Variants in SH3RF1 observed in about 807,000 individuals in gnomAD.
SH3RF1 encodes E3 ubiquitin-protein ligase SH3RF1.
A neutral mutation model predicts 74.0 loss-of-function variants in SH3RF1; 32 were observed. The ratio of observed to expected loss-of-function variants is 0.43; its 90% CI spans 0.33 to 0.58. The LOEUF is 0.58. Ranked by LOEUF, SH3RF1 falls within the 20% of genes least tolerant of loss-of-function variation. The pLI is 0.05. For missense variants in SH3RF1, 954 were observed against 1,130.9 expected, an observed-to-expected ratio of 0.84 and a Z score of 2.24; for synonymous variants, 396 against 439.6, an observed-to-expected ratio of 0.90 and a Z score of 1.24.
chr4:169,167,728 AG>A (rs1261791295), intron 2 of SH3RF1, among the ~76,000 whole-genome samples: 1 of 152,196 alleles, frequency 6.6e-6, no homozygotes, highest in African/African-American at 2.4e-5. Flanking sequence ...TGAGTGAAAG[AG>A]GGTGTGAGGG....
chr4:169,199,560 G>C (rs1734875093), intron 2 of SH3RF1, among the ~76,000 whole-genome samples: 1 of 151,974 alleles, frequency 6.6e-6, no homozygotes, highest in African/African-American at 2.4e-5. Flanking sequence ...TTAGATCTCA[G>C]TCACACAGTA....
At position 169,116,622 on chromosome 4, in the gene SH3RF1, G is replaced by A. The variant is rs564259264; in HGVS notation, c.1786C>T (p.His596Tyr). The A allele has an allele frequency of 3.9e-6, 6 of 1,537,036 alleles. No individual in the cohort carries two copies. In the African/African-American group the frequency reaches 5.5e-5, roughly 14 times the overall value. The change falls in exon 10 of 12, where the codon CAC becomes TAC. Residue 596 changes from histidine (H) to tyrosine (Y), a missense_variant. By Grantham distance (83) the His-to-Tyr change is moderately conservative. Coordinates refer to ENST00000284637, the MANE Select transcript of SH3RF1 (RefSeq NM_020870.4). ...ARNAVRTVAAHNQERPTAAVT... is the reference protein window; with the variant it reads ...ARNAVRTVAAYNQERPTAAVT... ...GCTGCCGTGGGGCGTTCCTGGTTGT[G>A]CGCTGCAACTAGTAGATGGGAAGAG...
chr4:169,207,847 T>C (rs1283634229), intron 2 of SH3RF1, among the ~76,000 whole-genome samples: 1 of 152,128 alleles, frequency 6.6e-6, no homozygotes, highest in Non-Finnish European at 1.5e-5. Context: ...CAGGTGCCAC[T>C]TTCTAAAGGG....
intron 2 of SH3RF1, among the ~76,000 whole-genome samples, chr4:169,215,052 G>A (rs1004187310): frequency 6.6e-6 from 1 of 152,080 alleles, no homozygotes; most frequent in Non-Finnish European, 1.5e-5. Flanking sequence ...TAATGAGAAA[G>A]CTTCTCTTTT....
chr4:169,096,480 TGTGTGAA>T lies in SH3RF1; in HGVS notation c.*32_*38del. 6.3e-7 allele frequency: 1 copy of T among 1,599,680 alleles called. No individual in the cohort carries two copies. The highest frequency in any genetic ancestry group is 1.1e-5 in the South Asian group (1 of 88,530). ...GTTAAACTGCTTTGTGCTACTTTGTTGTGTGAAGTGATTTTAAGCTTCTTCAGTGTCA... is the reference window on the plus strand; with the variant it reads ...GTTAAACTGCTTTGTGCTACTTTGTTGTGATTTTAAGCTTCTTCAGTGTCA... On this transcript the variant is annotated 3_prime_UTR_variant, in exon 12 of 12. Coordinates refer to ENST00000284637, the MANE Select transcript of SH3RF1 (RefSeq NM_020870.4).
In SH3RF1 at chr4:169,156,534, T is replaced by C. The variant is rs1734058031; in HGVS notation, c.539A>G (p.His180Arg). The change falls in exon 3 of 12, where the codon CAT becomes CGT. Residue 180 changes from histidine (H) to arginine (R), a missense_variant. Transcript: ENST00000284637. The stretch of plus-strand genomic sequence containing the variant: ...CACAAAGTTGGTGGGGAAAAAGCCA[T>C]GGATTCCATTGACTTCCCCATGGTA... ...NWYHGEVNGI[H>R]GFFPTNFVQI... is the part of the protein sequence containing the mutation. 4 of 1,614,048 alleles carry C rather than the reference T, an allele frequency of 2.5e-6. No homozygotes were observed. The highest frequency in any genetic ancestry group is 1.3e-5 in the African/African-American group (1 of 74,936).
chr4:169,172,477 TA>T (rs1444411982), intron 2 of SH3RF1, among the ~76,000 whole-genome samples: 2 of 152,270 alleles, frequency 1.3e-5, no homozygotes, highest in Non-Finnish European at 2.9e-5. Context: ...CTTTATATAA[TA>T]GCATTTAGGT....
chr4:169,147,459 G>A (rs974213504), intron 4 of SH3RF1, among the ~76,000 whole-genome samples: 3 of 152,154 alleles, frequency 2.0e-5, no homozygotes, highest in Non-Finnish European at 2.9e-5. Context: ...CTTAAAGCAC[G>A]TGTGGATGTG....
At chr4:169,199,850 C>T (rs1734880891) in intron 2 of SH3RF1, among the ~76,000 whole-genome samples, 1 of 152,116 alleles carries the variant, frequency 6.6e-6, no homozygotes, top group African/African-American at 2.4e-5. Context: ...AAGCACGACA[C>T]ATGTAAATTA....
intron 11 of SH3RF1, among the ~76,000 whole-genome samples, chr4:169,097,150 C>T (rs1454618744): frequency 1.3e-5 from 2 of 152,174 alleles, no homozygotes; most frequent in Middle Eastern, 3.2e-3. Flanking sequence ...GGCTCTGCTC[C>T]ACCTCTATGT....
At chr4:169,179,872 A>T (rs774190736) in intron 2 of SH3RF1, among the ~76,000 whole-genome samples, 2 of 152,140 alleles carry the variant, frequency 1.3e-5, no homozygotes, top group Non-Finnish European at 2.9e-5. Context: ...TTTTCCTAAG[A>T]CATATTCCAC....
intron 2 of SH3RF1, among the ~76,000 whole-genome samples, chr4:169,241,525 T>C (rs1730910054): frequency 6.6e-6 from 1 of 151,942 alleles, no homozygotes; most frequent in South Asian, 2.1e-4. Flanking sequence ...GTTGAGAGCA[T>C]CTGGATGTGC....
chr4:169,197,019 T>A (rs1284809052), intron 2 of SH3RF1, among the ~76,000 whole-genome samples: 2 of 152,136 alleles, frequency 1.3e-5, no homozygotes, highest in Non-Finnish European at 2.9e-5. Flanking sequence ...TTATTATTAT[T>A]TTTTGAGACA....
At chr4:169,181,284 A>G (rs1318251887) in intron 2 of SH3RF1, among the ~76,000 whole-genome samples, 2 of 113,390 alleles carry the variant, frequency 1.8e-5, no homozygotes, top group African/African-American at 3.8e-5. Context: ...TTTTTTTGAG[A>G]CAGAGTCTTG....
chr4:169,104,731 A>G (rs529448773), intron 11 of SH3RF1, among the ~76,000 whole-genome samples: 2 of 152,112 alleles, frequency 1.3e-5, no homozygotes, highest in East Asian at 1.9e-4. Flanking sequence ...GCAAAACCCC[A>G]TCTCTACTGA....
chr4:169,164,367 A>C (rs771964221), intron 2 of SH3RF1, among the ~76,000 whole-genome samples: 1 of 152,224 alleles, frequency 6.6e-6, no homozygotes, highest in South Asian at 2.1e-4. Flanking sequence ...GCAACTAAAA[A>C]GATGATTCTA....
intron 4 of SH3RF1, among the ~76,000 whole-genome samples, chr4:169,142,623 C>A (rs1403470106): frequency 6.6e-6 from 1 of 152,202 alleles, no homozygotes; most frequent in African/African-American, 2.4e-5. Flanking sequence ...AAATAACAGT[C>A]CATCTTTTCC....
chr4:169,216,001 G>A (rs1730456485), intron 2 of SH3RF1, among the ~76,000 whole-genome samples: 1 of 151,990 alleles, frequency 6.6e-6, no homozygotes, highest in African/African-American at 2.4e-5. Context: ...ACAAGGTTTT[G>A]TCCTGTTGCC....
intron 2 of SH3RF1, among the ~76,000 whole-genome samples, chr4:169,240,215 G>C (rs1416455933): frequency 6.8e-6 from 1 of 147,034 alleles, no homozygotes; most frequent in Non-Finnish European, 1.5e-5. Context: ...CTTTTTTTTT[G>C]AGACAGGGTC....
Sources: allele counts gnomAD v4.1 joint callset (sites outside exome capture counted in the v4.1 genomes callset), GRCh38; gene constraint gnomAD v4.1.1; transcripts MANE v1.5; gene names NCBI Gene and HGNC (gene_info 2026-07-23, HGNC 2026-07-21).